The following ATP2C1 variants were observed in gnomAD, a reference collection of about 807,000 sequenced individuals.
ATP2C1 encodes ATPase secretory pathway Ca2+ transporting 1, also known as calcium-transporting ATPase type 2C member 1.
Under a neutral mutation model 120.5 loss-of-function variants are expected in ATP2C1, and 31 were observed. That is an observed-to-expected ratio of 0.26 (90% CI 0.19 to 0.35). ATP2C1 has a LOEUF of 0.35. Among genes scored for constraint, ATP2C1 ranks in the 10% least tolerant of loss-of-function variants. The pLI, the probability that ATP2C1 is intolerant of heterozygous loss-of-function variation, is 1.00. For missense variants in ATP2C1, 731 were observed against 1,107.5 expected (o/e 0.66, Z 4.83); for synonymous variants, 351 against 358.7 (o/e 0.98, Z 0.24).
chr3:130,999,298 G>T (rs1464839083), intron 26 of ATP2C1, among the ~76,000 whole-genome samples: 1 of 152,000 alleles, frequency 6.6e-6, no homozygotes, highest in Non-Finnish European at 1.5e-5. Flanking sequence ...TTTTAAGCAA[G>T]CCTTTTCTTG....
Position 130,894,886 on chromosome 3 carries a change from T to C in ATP2C1, c.6+111T>C. On this transcript the variant is annotated intron_variant, in intron 2 of 27. Transcript: ENST00000510168. The surrounding 1 kb of genome is among the most constrained non-coding windows in gnomAD (Gnocchi z 4.5). ...TATTTTCGTGAGCTTATTTATTTAC[T>C]GTGTATGTGAAGTGTCCAAGGATTT... is the stretch of plus-strand genomic sequence containing the variant. 8.6e-7 allele frequency: 1 copy of C among 1,163,200 alleles called. No individual in the cohort carries two copies. The highest frequency in any genetic ancestry group is 1.2e-5 in the South Asian group (1 of 81,994). 72.1% of individuals were successfully genotyped at this position (1,163,200 alleles called of 1,614,324 possible).
chr3:130,954,707 G>C (rs967743376), intron 9 of ATP2C1, among the ~76,000 whole-genome samples: 4 of 151,996 alleles, frequency 2.6e-5, no homozygotes, highest in African/African-American at 9.7e-5. Flanking sequence ...GGCTGATCTC[G>C]AACTCCTGAC....
chr3:130,996,134 AC>A, intron 23 of ATP2C1, 23 bp downstream of exon 23: 2 of 1,525,674 alleles, frequency 1.3e-6, no homozygotes, highest in Non-Finnish European at 1.8e-6. Flanking sequence ...GAAATTTGTC[AC>A]CATGGGTCTT....
intron 1 of ATP2C1, among the ~76,000 whole-genome samples, chr3:130,864,442 T>A (rs2068105502): frequency 1.3e-5 from 2 of 152,208 alleles, no homozygotes; most frequent in South Asian, 4.1e-4. Flanking sequence ...GGAAAACCCA[T>A]TTTCTGGGAA....
intron 2 of ATP2C1, among the ~76,000 whole-genome samples, chr3:130,915,149 A>G (rs1576691484): frequency 6.6e-6 from 1 of 151,562 alleles, no homozygotes; most frequent in Admixed American, 6.6e-5. Context: ...GCTGGAGTGC[A>G]ATGGCGTGAT....
chr3:130,937,648 A>C (rs1029752017), intron 6 of ATP2C1, among the ~76,000 whole-genome samples, 185 bp downstream of exon 6: 6 of 152,200 alleles, frequency 3.9e-5, no homozygotes, highest in Non-Finnish European at 8.8e-5. Flanking sequence ...GGACTAAGGA[A>C]CTGCTTTGAT....
chr3:130,932,242 A>G (rs951132011), intron 4 of ATP2C1, 104 bp downstream of exon 4: 24 of 794,568 alleles, frequency 3.0e-5, no homozygotes, highest in Non-Finnish European at 5.2e-5. Context: ...GAAAGGAAAT[A>G]ATTTTTAGAT....
chr3:130,919,656 G>A (rs547509263), intron 2 of ATP2C1, among the ~76,000 whole-genome samples: 3 of 152,266 alleles, frequency 2.0e-5, no homozygotes, highest in South Asian at 2.1e-4. Flanking sequence ...GGTGAACATC[G>A]GAGTGGTAAT....
chr3:130,894,085 G>C lies in ATP2C1; in HGVS notation c.-433G>C, dbSNP rs1280586057. Reference sequence around the variant, plus strand: ...AGCGCAGGAGTCGGAGGCGGGAGCAGACCAGCACGGCCTCGCGGAGCCGGC... The same window carrying C: ...AGCGCAGGAGTCGGAGGCGGGAGCACACCAGCACGGCCTCGCGGAGCCGGC... On this transcript the variant is annotated 5_prime_UTR_variant, in exon 1 of 28. Transcript: ENST00000510168. This position sits in a 1 kb window ranked among gnomAD's most constrained non-coding sequence, Gnocchi z 4.5. The C allele has an allele frequency of 1.7e-5, 17 of 980,308 alleles. No individual in the cohort carries two copies. Among genetic ancestry groups the C allele is most frequent in the Non-Finnish European group, 1.8e-5 (15 of 825,420 alleles). 60.7% of individuals were successfully genotyped at this position (980,308 alleles called of 1,614,324 possible).
chr3:130,941,998 A>G (rs1455548866), intron 8 of ATP2C1, among the ~76,000 whole-genome samples: 3 of 152,244 alleles, frequency 2.0e-5, no homozygotes, highest in Admixed American at 2.0e-4. Context: ...TACTATGTGT[A>G]CACAAATTAC....
At position 130,953,909 on chromosome 3, in the gene ATP2C1, A is replaced by G. The variant is rs2060474545; in HGVS notation, c.620A>G (p.Asn207Ser). 2 of 1,613,966 alleles carry G rather than the reference A, an allele frequency of 1.2e-6. No homozygotes were observed. Among genetic ancestry groups the G allele is most frequent in the Non-Finnish European group, 1.7e-6 (2 of 1,179,956 alleles). ...ACAGCTCCTCAGCCAGCTGCAACTAATGGAGATCTTGCATCGAGAAGTAAC... is the reference window on the plus strand; with the variant it reads ...ACAGCTCCTCAGCCAGCTGCAACTAGTGGAGATCTTGCATCGAGAAGTAAC... ...KVTAPQPAAT[N>S]GDLASRSNIA... The change falls in exon 9 of 28, where the codon AAT becomes AGT. Residue 207 changes from asparagine to serine, a missense_variant. Around this residue, in one of 3 missense-constraint regions of ATP2C1, gnomAD observed 571 missense variants for 845.9 expected, o/e 0.67. Transcript: ENST00000510168.
intron 2 of ATP2C1, among the ~76,000 whole-genome samples, chr3:130,913,954 C>G (rs895736801): frequency 1.3e-5 from 2 of 152,084 alleles, no homozygotes; most frequent in Non-Finnish European, 2.9e-5. Context: ...AAATAATGCC[C>G]TCTTCAGATT....
At position 130,978,178 on chromosome 3, in the gene ATP2C1, A is replaced by G. The variant is rs983984634; in HGVS notation, c.1571-1071A>G. On this transcript the variant is annotated intron_variant, in intron 18 of 27. Coordinates refer to ENST00000510168, the MANE Select transcript of ATP2C1 (RefSeq NM_001378687.1). The stretch of plus-strand genomic sequence containing the variant: ...AACACCAGGAACTGTGAAGTGGCTC[A>G]TTCTCTCAAGGGTGAAAGCCTTTGG... Among the ~76,000 whole-genome samples, 29 of 152,308 alleles carry G rather than the reference A, an allele frequency of 1.9e-4. 1 individual carries two copies. Among genetic ancestry groups the G allele is most frequent in the Admixed American group, 3.9e-4 (6 of 15,290 alleles).
intron 3 of ATP2C1, among the ~76,000 whole-genome samples, chr3:130,931,701 T>C (rs1383359039): frequency 6.6e-6 from 1 of 152,146 alleles, no homozygotes; most frequent in Non-Finnish European, 1.5e-5. Context: ...ATCAATTTTG[T>C]TGAGATATAA....
chr3:130,973,685 AT>A (rs1447925177), intron 17 of ATP2C1, among the ~76,000 whole-genome samples: 7 of 152,162 alleles, frequency 4.6e-5, no homozygotes, highest in Admixed American at 1.3e-4. Flanking sequence ...TCTATTTAAT[AT>A]TTTTGGACTG....
intron 1 of ATP2C1, among the ~76,000 whole-genome samples, chr3:130,871,411 G>A (rs1384977381): frequency 1.3e-5 from 2 of 152,238 alleles, no homozygotes; most frequent in Non-Finnish European, 1.5e-5. Context: ...AAAACAGAAT[G>A]CTGGGCCCCA....
chr3:131,010,377 G>A (rs2063275168), intron 26 of ATP2C1, among the ~76,000 whole-genome samples: 1 of 151,698 alleles, frequency 6.6e-6, no homozygotes, highest in Non-Finnish European at 1.5e-5. Context: ...TGTATTTTTA[G>A]TAGAGACGGG....
intron 1 of ATP2C1, among the ~76,000 whole-genome samples, chr3:130,878,085 C>G (rs1224225074): frequency 7.4e-6 from 1 of 134,554 alleles, no homozygotes; most frequent in Admixed American, 8.8e-5. Flanking sequence ...GGGAATTGAA[C>G]AATGAGAACA....
At chr3:130,992,651 T>G (rs148314049) in intron 20 of ATP2C1, among the ~76,000 whole-genome samples, 1 of 152,346 alleles carries the variant, frequency 6.6e-6, no homozygotes, top group African/African-American at 2.4e-5. Context: ...ATTTTTCCTT[T>G]TTTTGTCTCT....
Sources: gnomAD v4.1 joint callset for allele counts (sites outside exome capture counted in the v4.1 genomes callset) on GRCh38, gnomAD v4.1.1 for gene constraint, gnomAD v4.1.1 regional missense constraint, Gnocchi (gnomAD v3.1) non-coding constraint, MANE v1.5 for transcripts, NCBI Gene and HGNC (gene_info 2026-07-23, HGNC 2026-07-21) for gene names.